AHCTF1: variants seen among roughly 807,000 people sequenced by gnomAD.
The protein encoded by AHCTF1 is protein ELYS.
In AHCTF1, 24 loss-of-function variants were observed where a neutral mutation model predicts 248.4. The observed-to-expected ratio is 0.10, with a 90% CI of 0.07 to 0.14. The LOEUF (loss-of-function observed/expected upper bound fraction) is 0.14. Ranked by LOEUF, AHCTF1 falls within the 10% of genes least tolerant of loss-of-function variation. AHCTF1 has a pLI of 1.00. For missense variants in AHCTF1, 2,206 were observed against 2,636.2 expected, an observed-to-expected ratio of 0.84 and a Z score of 3.57; for synonymous variants, 786 against 929.8, an observed-to-expected ratio of 0.85 and a Z score of 2.81.
At chr1:246,912,251 C>T (rs1340371828) in intron 4 of AHCTF1, among the ~76,000 whole-genome samples, 3 of 151,556 alleles carry the variant, frequency 2.0e-5, no homozygotes, top group East Asian at 1.9e-4. Context: ...CCAAGGCGGG[C>T]GGATCACAAG....
Position 246,899,546 on chromosome 1 carries a change from A to G in AHCTF1, c.1433-34T>C, listed in dbSNP as rs775267549. 10 of 1,554,924 alleles carry G rather than the reference A, an allele frequency of 6.4e-6. No individual in the cohort carries two copies. In the South Asian group the frequency reaches 1.1e-4, roughly 18 times the overall value. ...AAGATTTAAAAAATAATCCACTTAC[A>G]TATATTTAAAATGGCATTAATAGAA... On this transcript the variant is annotated intron_variant, in intron 10 of 35. Transcript: ENST00000648844.
At chr1:246,908,724 A>G (rs1243197892) in intron 4 of AHCTF1, among the ~76,000 whole-genome samples, 3 of 73,866 alleles carry the variant, frequency 4.1e-5, no homozygotes, top group South Asian at 3.5e-4. Flanking sequence ...AGTCTCTACT[A>G]AAAAAAAAAA....
In AHCTF1 at chr1:246,876,043, G is replaced by C. The variant is rs1482789601; in HGVS notation, c.3082C>G (p.Arg1028Gly). 1 of 1,587,596 alleles carries C rather than the reference G, an allele frequency of 6.3e-7. No homozygotes were observed. Among genetic ancestry groups the C allele is most frequent in the Non-Finnish European group, 8.6e-7 (1 of 1,167,858 alleles). The change falls in exon 24 of 36, where the codon CGA (arginine) becomes GGA (glycine). Residue 1028 changes from arginine to glycine, a missense_variant. Arg to Gly is a moderately radical substitution (Grantham distance 125). Around this residue, in one of 6 missense-constraint regions of AHCTF1, gnomAD observed 955 missense variants for 1,055.6 expected, o/e 0.90. Coordinates refer to ENST00000648844, the MANE Select transcript of AHCTF1 (RefSeq NM_001323342.2). ...PYHLSTSSVF[R>G]LVSRPKPLSA... ...TCTTCAATGAAATTCTTACCTAATC[G>C]AAAAACTGATGATGTTGACAGATGA... is the stretch of plus-strand genomic sequence containing the variant.
At chr1:246,924,018 G>T (rs1666761814) in intron 1 of AHCTF1, among the ~76,000 whole-genome samples, 1 of 152,150 alleles carries the variant, frequency 6.6e-6, no homozygotes, top group Non-Finnish European at 1.5e-5. Flanking sequence ...GCAAAAGAGA[G>T]ATCCGAGGTA....
Position 246,839,507 on chromosome 1 carries a change from G to A in AHCTF1, c.*1299C>T, listed in dbSNP as rs571772679. 179 of 985,302 alleles carry A rather than the reference G, an allele frequency of 1.8e-4. No individual in the cohort carries two copies. The highest frequency in any genetic ancestry group is 4.9e-4 in the African/African-American group (28 of 57,268). The allele number at this position is 985,302 out of a possible 1,614,324, so 61.0% of individuals were successfully genotyped here. A position where few individuals can be genotyped will look rare whatever the true frequency, so the allele number is the denominator to read the frequency against. ...TCAAAGTCAGTGAAATTTTCAACAA[G>A]GCAGCGTAACATCCATCACTAACCT... On this transcript the variant is annotated 3_prime_UTR_variant, in exon 36 of 36. Coordinates refer to ENST00000648844, the MANE Select transcript of AHCTF1 (RefSeq NM_001323342.2).
At chr1:246,889,911 T>C in intron 17 of AHCTF1, 55 bp downstream of exon 17, 2 of 1,342,774 alleles carry the variant, frequency 1.5e-6, no homozygotes, top group Admixed American at 1.8e-5. Flanking sequence ...ATGAACACTA[T>C]TCTGAGAAAC....
intron 12 of AHCTF1, among the ~76,000 whole-genome samples, chr1:246,896,835 C>G (rs542016318): frequency 1.3e-5 from 2 of 152,146 alleles, no homozygotes; most frequent in African/African-American, 4.8e-5. Flanking sequence ...AAAAGGAATC[C>G]CATGAATGTA....
intron 4 of AHCTF1, among the ~76,000 whole-genome samples, chr1:246,911,479 CT>C (rs35320501): frequency 0.22 from 21,345 of 99,016 alleles, 598 homozygotes; most frequent in African/African-American, 0.27. Context: ...TATGAAGATT[CT>C]TTTTTTTTTT....
chr1:246,848,116 G>T (rs969168868), intron 33 of AHCTF1, among the ~76,000 whole-genome samples: 3 of 152,152 alleles, frequency 2.0e-5, no homozygotes, highest in Non-Finnish European at 4.4e-5. Context: ...GTGACGAGGG[G>T]AGAGGAGGAT....
Position 246,906,565 on chromosome 1 carries a change from G to C in AHCTF1, c.765-908C>G, listed in dbSNP as rs185947811. Among the ~76,000 whole-genome samples the C allele has an allele frequency of 1.3e-4, 20 of 152,146 alleles. No individual in the cohort carries two copies. The East Asian group carries it at 3.5e-3, about 26-fold the overall frequency. On this transcript the variant is annotated intron_variant, in intron 5 of 35. Transcript: ENST00000648844. ...CCACTGCACTCCAGCCTGGGCAACA[G>C]AGTGAGACCCCACCCCCCAAAAAAA... is the stretch of plus-strand genomic sequence containing the variant.
intron 13 of AHCTF1, among the ~76,000 whole-genome samples, chr1:246,895,098 A>G (rs1572429087): frequency 6.6e-6 from 1 of 152,204 alleles, no homozygotes; most frequent in African/African-American, 2.4e-5. Context: ...AATTATAAAA[A>G]CAATTACATA....
At position 246,864,066 on chromosome 1, in the gene AHCTF1, T is replaced by C. The variant is rs776810110; in HGVS notation, c.3398A>G (p.Glu1133Gly). 12 of 1,613,968 alleles carry C rather than the reference T, an allele frequency of 7.4e-6. No homozygotes were observed. In the Admixed American group the frequency reaches 2.0e-4, roughly 27 times the overall value. Residue 1133 changes from glutamate to glycine, a missense_variant, in exon 27 of 36, where the codon GAG becomes GGG. Glu to Gly is a moderately conservative substitution (Grantham distance 98). Around this residue, in one of 6 missense-constraint regions of AHCTF1, gnomAD observed 955 missense variants for 1,055.6 expected, o/e 0.90. Transcript: ENST00000648844. ...QPVPRPSQCS[E>G]FIQQSSMKSP... is the part of the protein sequence containing the mutation. ...TTTCATGGAGCTTTGCTGAATAAAC[T>C]CCGAACACTGAGAAGGCCGGGGGAC...
At chr1:246,852,699 G>A (rs972414475) in intron 32 of AHCTF1, among the ~76,000 whole-genome samples, 1 of 152,050 alleles carries the variant, frequency 6.6e-6, no homozygotes, top group East Asian at 1.9e-4. Flanking sequence ...AAATTAACTT[G>A]ATAAAACTAT....
At chr1:246,918,409 T>A (rs1422776069) in intron 1 of AHCTF1, 32 bp from the exon 2 acceptor site, 1 of 1,589,720 alleles carries the variant, frequency 6.3e-7, no homozygotes, top group Admixed American at 1.7e-5. Flanking sequence ...AACATTATTA[T>A]GACACATTTG....
intron 4 of AHCTF1, among the ~76,000 whole-genome samples, chr1:246,910,322 C>T: frequency 6.6e-6 from 1 of 152,176 alleles, no homozygotes; most frequent in East Asian, 1.9e-4. Context: ...AATTAATGTG[C>T]AGACTGTATT....
At chr1:246,908,959 T>C (rs964011826) in intron 4 of AHCTF1, among the ~76,000 whole-genome samples, 2 of 151,652 alleles carry the variant, frequency 1.3e-5, no homozygotes. Flanking sequence ...TAAGGTTTTA[T>C]AATTTTGGCA....
chr1:246,869,144 T>A (rs1662350161), intron 24 of AHCTF1, among the ~76,000 whole-genome samples: 1 of 147,026 alleles, frequency 6.8e-6, no homozygotes, highest in African/African-American at 2.4e-5. Context: ...CGCCCGGCCG[T>A]GTGTTTTGTT....
At chr1:246,847,817 C>G (rs1051314360) in intron 33 of AHCTF1, among the ~76,000 whole-genome samples, 8 of 152,144 alleles carry the variant, frequency 5.3e-5, no homozygotes, top group African/African-American at 1.9e-4. Context: ...TTGCTAAGCT[C>G]TAACAAAATA....
chr1:246,851,599 C>G (rs1660725164), intron 32 of AHCTF1, among the ~76,000 whole-genome samples, 157 bp from the exon 33 acceptor site: 1 of 152,004 alleles, frequency 6.6e-6, no homozygotes. Flanking sequence ...CAAAATTATC[C>G]CTTTAAGCAA....
Sources: allele counts gnomAD v4.1 joint callset (sites outside exome capture counted in the v4.1 genomes callset), GRCh38; gene constraint gnomAD v4.1.1; regional missense constraint gnomAD v4.1.1; transcripts MANE v1.5; gene names NCBI Gene and HGNC (gene_info 2026-07-23, HGNC 2026-07-21).